Variants in TMPRSS15 observed in about 807,000 individuals in gnomAD.
TMPRSS15 encodes the protein transmembrane serine protease 15.
TMPRSS15 carries 128 observed loss-of-function variants against 125.3 expected under a neutral mutation model. That is an observed-to-expected ratio of 1.02 (90% CI 0.89 to 1.18). The LOEUF (loss-of-function observed/expected upper bound fraction) is 1.18. Among genes scored for constraint, TMPRSS15 ranks in the 50% most tolerant of loss-of-function variants. The pLI, the probability that TMPRSS15 is intolerant of heterozygous loss-of-function variation, is 0.00. For synonymous variants in TMPRSS15, 446 were observed against 423.2 expected (o/e 1.05, Z -0.66); for missense variants, 1,283 against 1,212.7 (o/e 1.06, Z -0.86).
intron 1 of TMPRSS15, among the ~76,000 whole-genome samples, chr21:18,416,064 A>C (rs2076179301): frequency 1.3e-5 from 2 of 152,090 alleles, no homozygotes; most frequent in Admixed American, 1.3e-4. Flanking sequence ...CATAAAAATC[A>C]TACAATATTT....
At position 18,329,197 on chromosome 21, in the gene TMPRSS15, A is replaced by G. The variant is rs1601342128; in HGVS notation, c.1752T>C (p.Asp584=). The change falls in exon 15 of 25, where the codon GAT becomes GAC. Residue 584 remains aspartate (D), a synonymous_variant. Transcript: ENST00000284885. ...AGAGCAAGGAATCAGCTTCTTCACCATCTCTTATTTCAACTACATCGTTAA... is the reference window on the plus strand; with the variant it reads ...AGAGCAAGGAATCAGCTTCTTCACCGTCTCTTATTTCAACTACATCGTTAA... ...ENINDVVEIR[D]GEEADSLLLA... 6.2e-7 allele frequency: 1 copy of G among 1,612,734 alleles called. No individual in the cohort carries two copies. The highest frequency in any genetic ancestry group is 8.5e-7 in the Non-Finnish European group (1 of 1,179,094).
intron 6 of TMPRSS15, among the ~76,000 whole-genome samples, chr21:18,365,895 C>T (rs2075732355): frequency 1.3e-5 from 2 of 151,274 alleles, no homozygotes. Flanking sequence ...TCACCACGCC[C>T]GGATAATTTT....
intron 1 of TMPRSS15, among the ~76,000 whole-genome samples, chr21:18,450,662 A>T (rs2076266236): frequency 6.6e-6 from 1 of 151,170 alleles, no homozygotes; most frequent in East Asian, 1.9e-4. Context: ...GTGGGCCATG[A>T]CCCACTTAAA....
chr21:18,281,100 T>A lies in TMPRSS15; in HGVS notation c.2608A>T (p.Arg870Trp). 1 of 1,614,118 alleles carries A rather than the reference T, an allele frequency of 6.2e-7. No individual in the cohort carries two copies. Among genetic ancestry groups the A allele is most frequent in the Non-Finnish European group, 8.5e-7 (1 of 1,179,994 alleles). The change falls in exon 22 of 25, where the codon AGG (arginine) becomes TGG (tryptophan). Residue 870 changes from arginine (R) to tryptophan (W), a missense_variant. Coordinates refer to ENST00000284885, the MANE Select transcript of TMPRSS15 (RefSeq NM_002772.3). ...DEIVINPHYN[R>W]RRKDNDIAMM... ...GCAATGTCGTTGTCCTTTCTTCGCC[T>A]ATTGTAATGAGGGTTTATGACAATT...
chr21:18,306,741 A>C (rs2075043518), intron 18 of TMPRSS15, among the ~76,000 whole-genome samples: 1 of 152,094 alleles, frequency 6.6e-6, no homozygotes, highest in Admixed American at 6.6e-5. Flanking sequence ...AGTAACAGGG[A>C]AATGCTATTT....
rs200820066 is a variant in TMPRSS15 at position 18,383,760 on chromosome 21, G to A, written c.363C>T (p.Val121=). 14 of 1,613,288 alleles carry A rather than the reference G, an allele frequency of 8.7e-6. No individual in the cohort carries two copies. The highest frequency in any genetic ancestry group is 1.1e-5 in the Non-Finnish European group (13 of 1,179,694). Residue 121 remains valine, a synonymous_variant, in exon 4 of 25, where the codon GTC becomes GTT. Coordinates refer to ENST00000284885, the MANE Select transcript of TMPRSS15 (RefSeq NM_002772.3). ...ACTGGGCAAAGAAAAGGTCAAATAC[G>A]ACTATAATGCTGCCATTTCTGCAAA... is the stretch of plus-strand genomic sequence containing the variant. ...VLQFENGSII[V]VFDLFFAQWV... is the part of the protein sequence containing the mutation.
chr21:18,456,204 A>G (rs527640982), intron 1 of TMPRSS15, among the ~76,000 whole-genome samples: 3 of 152,120 alleles, frequency 2.0e-5, no homozygotes, highest in Admixed American at 6.6e-5. Flanking sequence ...AGTGAGTAAA[A>G]TATTTACAGG....
At chr21:18,358,709 C>T (rs1483100110) in intron 8 of TMPRSS15, among the ~76,000 whole-genome samples, 1 of 151,824 alleles carries the variant, frequency 6.6e-6, no homozygotes, top group Non-Finnish European at 1.5e-5. Flanking sequence ...TATATTATAC[C>T]TCATTTTACT....
intron 1 of TMPRSS15, among the ~76,000 whole-genome samples, chr21:18,452,052 C>A (rs963695896): frequency 3.3e-5 from 5 of 152,038 alleles, no homozygotes; most frequent in African/African-American, 1.2e-4. Flanking sequence ...ATAGCTACAT[C>A]CGAATTTTTT....
chr21:18,288,448 A>G (rs143840664), intron 21 of TMPRSS15, among the ~76,000 whole-genome samples: 81 of 152,212 alleles, frequency 5.3e-4, no homozygotes, highest in African/African-American at 1.5e-3. Flanking sequence ...CCCATGTAAC[A>G]AAATTACACT....
At position 18,295,980 on chromosome 21, in the gene TMPRSS15, G is replaced by A. The variant is rs571903395; in HGVS notation, c.2262-1328C>T. Among the ~76,000 whole-genome samples, 11 of 152,140 alleles carry A rather than the reference G, an allele frequency of 7.2e-5. No individual in the cohort carries two copies. In the South Asian group the frequency reaches 1.2e-3, roughly 17 times the overall value. On this transcript the variant is annotated intron_variant, in intron 19 of 24. Coordinates refer to ENST00000284885, the MANE Select transcript of TMPRSS15 (RefSeq NM_002772.3). ...ATCCTGGCTAACACGGTGAAACCCCGTCTCTACTAAAAATACACAAAAATT... is the reference window on the plus strand; with the variant it reads ...ATCCTGGCTAACACGGTGAAACCCCATCTCTACTAAAAATACACAAAAATT...
In TMPRSS15 at chr21:18,343,990, C is replaced by A. The variant is rs746186136; in HGVS notation, c.1242G>T (p.Leu414Phe). 2 of 1,614,042 alleles carry A rather than the reference C, an allele frequency of 1.2e-6. No individual in the cohort carries two copies. Among genetic ancestry groups the A allele is most frequent in the South Asian group, 1.1e-5 (1 of 91,086 alleles). The stretch of plus-strand genomic sequence containing the variant: ...GGCAAGCTGGCTCCAAAGTGGGGTC[C>A]AAAGGGAGGCTTAAAAGCCCCACTC... ...QERVGLLSLP[L>F]DPTLEPACLS... Residue 414 changes from leucine (L) to phenylalanine (F), a missense_variant, in exon 11 of 25, where the codon TTG becomes TTT. Physicochemically the swap from Leu to Phe is conservative, Grantham distance 22. Coordinates refer to ENST00000284885, the MANE Select transcript of TMPRSS15 (RefSeq NM_002772.3).
In TMPRSS15 at chr21:18,275,250, T is replaced by A. The variant is rs1184657445; in HGVS notation, c.2851A>T (p.Thr951Ser). 3 of 1,613,916 alleles carry A rather than the reference T, an allele frequency of 1.9e-6. No individual in the cohort carries two copies. In the African/African-American group the frequency reaches 4.0e-5, roughly 22 times the overall value. The change falls in exon 24 of 25, where the codon ACT becomes TCT. Residue 951 changes from threonine (T) to serine (S), a missense_variant. Transcript: ENST00000284885. Reference protein sequence around the residue: ...CQQQMPEYNITENMICAGYEE... With the variant: ...CQQQMPEYNISENMICAGYEE... ...TAGCCTGCACATATCATATTTTCAG[T>A]AATGTTATATTCTGGCATCTGCTGT...
chr21:18,375,134 G>A (rs1296927392), intron 5 of TMPRSS15, among the ~76,000 whole-genome samples: 1 of 152,208 alleles, frequency 6.6e-6, no homozygotes, highest in African/African-American at 2.4e-5. Flanking sequence ...CTTGGTCCAT[G>A]AGGAAACAGA....
In TMPRSS15 at chr21:18,269,847, A is replaced by T; in HGVS notation, c.*122T>A. On this transcript the variant is annotated 3_prime_UTR_variant, in exon 25 of 25. Coordinates refer to ENST00000284885, the MANE Select transcript of TMPRSS15 (RefSeq NM_002772.3). ...CCTGGCCCCCTAGCATTTCATTGAC[A>T]TAGGTAAGAATAAAAACCTTTGGTA... The T allele has an allele frequency of 8.1e-7, 1 of 1,237,574 alleles. No individual in the cohort carries two copies. The highest frequency in any genetic ancestry group is 2.6e-5 in the East Asian group (1 of 39,182). The allele number at this position is 1,237,574 out of a possible 1,614,324, so 76.7% of individuals were successfully genotyped here. A position where few individuals can be genotyped will look rare whatever the true frequency, so the allele number is the denominator to read the frequency against.
chr21:18,311,144 T>C lies in TMPRSS15; in HGVS notation c.2165+1801A>G, dbSNP rs563851872. Among the ~76,000 whole-genome samples, 7 of 152,000 alleles carry C rather than the reference T, an allele frequency of 4.6e-5. No individual in the cohort carries two copies. In the South Asian group the frequency reaches 1.0e-3, roughly 23 times the overall value. On this transcript the variant is annotated intron_variant, in intron 18 of 24. Coordinates refer to ENST00000284885, the MANE Select transcript of TMPRSS15 (RefSeq NM_002772.3). ...ATGTTGAAACCACTAGAATAAAACATTGGGGGAAACACTCCAGGACATCGG... is the reference window on the plus strand; with the variant it reads ...ATGTTGAAACCACTAGAATAAAACACTGGGGGAAACACTCCAGGACATCGG...
upstream of TMPRSS15, among the ~76,000 whole-genome samples, chr21:18,405,005 G>A (rs564003045): frequency 6.6e-6 from 1 of 152,144 alleles, no homozygotes; most frequent in South Asian, 2.1e-4. Context: ...ATTACAATAG[G>A]CCAGACCCTC....
chr21:18,281,167 T>C lies in TMPRSS15; in HGVS notation c.2541A>G (p.Ser847=). The change falls in exon 22 of 25, where the codon TCA becomes TCG. Residue 847 remains serine, a synonymous_variant. Transcript: ENST00000284885. ...WTAILGLHMK[S]NLTSPQTVPR... ...GGACTGTTTGAGGAGAGGTCAGATT[T>C]GATTTCATATGCAGGCCTAGGATTG... 1 of 1,614,134 alleles carries C rather than the reference T, an allele frequency of 6.2e-7. No individual in the cohort carries two copies. Among genetic ancestry groups the C allele is most frequent in the Non-Finnish European group, 8.5e-7 (1 of 1,180,006 alleles).
chr21:18,316,292 C>A (rs2075166322), intron 16 of TMPRSS15, among the ~76,000 whole-genome samples: 1 of 152,154 alleles, frequency 6.6e-6, no homozygotes, highest in African/African-American at 2.4e-5. Flanking sequence ...CTTCAATAAA[C>A]AAACTCCTCC....
Sources: gnomAD v4.1 joint callset for allele counts (sites outside exome capture counted in the v4.1 genomes callset) on GRCh38, gnomAD v4.1.1 for gene constraint, MANE v1.5 for transcripts, NCBI Gene and HGNC (gene_info 2026-07-23, HGNC 2026-07-21) for gene names.